Variants in GABRG3 observed in about 807,000 individuals in gnomAD.
GABRG3 encodes the protein gamma-aminobutyric acid type A receptor subunit gamma3.
GABRG3 carries 25 observed loss-of-function variants against 48.8 expected under a neutral mutation model. The observed-to-expected ratio is 0.51, with a 90% confidence interval of 0.37 to 0.72. The LOEUF (loss-of-function observed/expected upper bound fraction) is 0.72, where lower values mean the gene tolerates loss of function less well. Among genes scored for constraint, GABRG3 ranks in the 30% least tolerant of loss-of-function variants. GABRG3 has a pLI of 0.00. For synonymous variants in GABRG3, 227 were observed against 217.6 expected (o/e 1.04, Z -0.38); for missense variants, 394 against 577.9 (o/e 0.68, Z 3.26).
At chr15:27,203,225 T>C (rs1888745665) in intron 3 of GABRG3, among the ~76,000 whole-genome samples, 1 of 152,150 alleles carries the variant, frequency 6.6e-6, no homozygotes, top group Non-Finnish European at 1.5e-5. Flanking sequence ...AGCCCCAGTG[T>C]ATATTGTACC....
intron 3 of GABRG3, among the ~76,000 whole-genome samples, chr15:27,318,629 G>C (rs1026413476): frequency 6.6e-6 from 1 of 152,158 alleles, no homozygotes; most frequent in South Asian, 2.1e-4. Flanking sequence ...TGCATTTACT[G>C]TTGTTTTGTT....
At chr15:27,168,982 G>A (rs980999913) in intron 3 of GABRG3, among the ~76,000 whole-genome samples, 10 of 152,198 alleles carry the variant, frequency 6.6e-5, no homozygotes, top group Admixed American at 4.6e-4. Flanking sequence ...GGTCCTTCTT[G>A]CTCTTTGTTA....
chr15:26,992,493 T>A (rs1895267097), intron 2 of GABRG3, among the ~76,000 whole-genome samples: 1 of 152,296 alleles, frequency 6.6e-6, no homozygotes, highest in East Asian at 1.9e-4. Flanking sequence ...ATGTTTTTTG[T>A]CCTTTGTTCT....
chr15:27,505,243 G>C (rs948628945), intron 6 of GABRG3, among the ~76,000 whole-genome samples: 3 of 152,028 alleles, frequency 2.0e-5, no homozygotes, highest in Non-Finnish European at 4.4e-5. Flanking sequence ...ACTTCTCATT[G>C]TATCACATAG....
chr15:27,287,606 A>G (rs1281206027), intron 3 of GABRG3, among the ~76,000 whole-genome samples: 1 of 152,194 alleles, frequency 6.6e-6, no homozygotes, highest in African/African-American at 2.4e-5. Flanking sequence ...CTTAATGTTT[A>G]CTATGAATGA....
At chr15:27,360,416 A>G (rs1445286718) in intron 5 of GABRG3, among the ~76,000 whole-genome samples, 1 of 152,134 alleles carries the variant, frequency 6.6e-6, no homozygotes, top group Admixed American at 6.5e-5. Flanking sequence ...GGAGCCCTGT[A>G]TTTTACCTGG....
chr15:27,017,274 T>G (rs2140672230), intron 2 of GABRG3, among the ~76,000 whole-genome samples: 1 of 152,302 alleles, frequency 6.6e-6, no homozygotes, highest in African/African-American at 2.4e-5. Context: ...ATTAGGTTGG[T>G]ACAAAAGTAA....
intron 3 of GABRG3, among the ~76,000 whole-genome samples, chr15:27,035,697 C>T (rs8023912): frequency 0.4 from 60,666 of 152,084 alleles, 12,481 homozygotes; most frequent in East Asian, 0.56. Context: ...GAGCTTGCCA[C>T]AGCTGAGTGT....
intron 3 of GABRG3, among the ~76,000 whole-genome samples, chr15:27,136,160 G>A (rs1029594790): frequency 6.6e-6 from 1 of 152,138 alleles, no homozygotes; most frequent in African/African-American, 2.4e-5. Flanking sequence ...GGGGTGCTAT[G>A]AACATGAATT....
intron 5 of GABRG3, among the ~76,000 whole-genome samples, chr15:27,367,167 C>A (rs1431125026): frequency 6.6e-6 from 1 of 152,158 alleles, no homozygotes; most frequent in Non-Finnish European, 1.5e-5. Context: ...ATCCTCGTAC[C>A]CTCCTGGAGC....
At position 27,153,480 on chromosome 15, in the gene GABRG3, C is replaced by T. The variant is rs73373429; in HGVS notation, c.270+126659C>T. Among the ~76,000 whole-genome samples the T allele has an allele frequency of 5.8e-3, 883 of 152,142 alleles. 9 individuals carry two copies. Among genetic ancestry groups the T allele is most frequent in the African/African-American group, 0.02 (830 of 41,538 alleles). ...CATTGTTTTAGGTACTTTGCTTTTA[C>T]CTATAAGTTTTAGAATAATTGTAGC... On this transcript the variant is annotated intron_variant, in intron 3 of 9. Coordinates refer to ENST00000615808, the MANE Select transcript of GABRG3 (RefSeq NM_033223.5).
intron 3 of GABRG3, among the ~76,000 whole-genome samples, chr15:27,248,033 A>AGTGACTCCACT (rs1890322526): frequency 6.6e-6 from 1 of 152,198 alleles, no homozygotes. Context: ...TAGAGACAGG[A>AGTGACTCCACT]GTGACTCCAC....
chr15:27,486,124 T>C (rs1890213964), intron 6 of GABRG3, among the ~76,000 whole-genome samples: 1 of 152,180 alleles, frequency 6.6e-6, no homozygotes, highest in Non-Finnish European at 1.5e-5. Context: ...TATGGCAAAC[T>C]GAGGGGTGCT....
Position 27,179,645 on chromosome 15 carries a change from C to T in GABRG3, c.271-147164C>T, listed in dbSNP as rs57454817. Among the ~76,000 whole-genome samples the T allele has an allele frequency of 0.055, 8,312 of 152,178 alleles. 801 individuals carry two copies. The highest frequency in any genetic ancestry group is 0.19 in the African/African-American group (7,899 of 41,458). ...ACAAAGATGCACAGAACCCTCGAGTCCTGTTGTCCTGCCGGGGGTCCATTC... is the reference window on the plus strand; with the variant it reads ...ACAAAGATGCACAGAACCCTCGAGTTCTGTTGTCCTGCCGGGGGTCCATTC... On this transcript the variant is annotated intron_variant, in intron 3 of 9. Transcript: ENST00000615808. The surrounding 1 kb of genome is among the most constrained non-coding windows in gnomAD (Gnocchi z 4.0).
At chr15:27,249,357 C>T (rs534820630) in intron 3 of GABRG3, among the ~76,000 whole-genome samples, 12 of 152,312 alleles carry the variant, frequency 7.9e-5, no homozygotes, top group South Asian at 6.2e-4. Context: ...TCCGCAATCC[C>T]GGCTGCGTGC....
chr15:27,108,388 C>A (rs903860982), intron 3 of GABRG3, among the ~76,000 whole-genome samples: 2 of 152,074 alleles, frequency 1.3e-5, no homozygotes, highest in African/African-American at 4.8e-5. Context: ...TATTTTAATT[C>A]CATCATGGAC....
intron 3 of GABRG3, among the ~76,000 whole-genome samples, chr15:27,202,015 T>A (rs925551908): frequency 3.3e-4 from 51 of 152,286 alleles, no homozygotes; most frequent in African/African-American, 1.2e-3. Flanking sequence ...ATCATACAAG[T>A]ATATTCAGCA....
In GABRG3 at chr15:26,971,242, G is replaced by GCGGCGCCGCGCCAGGGGGTCCC. The variant is rs1894831976; in HGVS notation, c.-286_-265dup. The GCGGCGCCGCGCCAGGGGGTCCC allele has an allele frequency of 6.6e-6, 1 of 151,228 alleles. No individual in the cohort carries two copies. Among genetic ancestry groups the GCGGCGCCGCGCCAGGGGGTCCC allele is most frequent in the African/African-American group, 2.4e-5 (1 of 41,240 alleles). 9.4% of individuals were successfully genotyped at this position (151,228 alleles called of 1,614,324 possible). On this transcript the variant is annotated 5_prime_UTR_variant, in exon 1 of 10. Transcript: ENST00000615808. ...CCGCTCGCGGCTCCAGGCGGGGTGG[G>GCGGCGCCGCGCCAGGGGGTCCC]CGGCGCCGCGCCAGGGGGTCCCCGG...
intron 3 of GABRG3, among the ~76,000 whole-genome samples, chr15:27,308,526 G>T (rs951063228): frequency 9.6e-5 from 14 of 145,922 alleles, no homozygotes; most frequent in African/African-American, 3.0e-4. Flanking sequence ...AAACATACAT[G>T]TTTATATAAA....
Sources: allele counts gnomAD v4.1 joint callset (sites outside exome capture counted in the v4.1 genomes callset), GRCh38; gene constraint gnomAD v4.1.1; non-coding constraint Gnocchi (gnomAD v3.1); transcripts MANE v1.5; gene names NCBI Gene and HGNC (gene_info 2026-07-23, HGNC 2026-07-21).